STXBP5L: variants seen among roughly 807,000 people sequenced by gnomAD.
STXBP5L encodes the protein syntaxin binding protein 5L.
In STXBP5L, 65 loss-of-function variants were observed where a neutral mutation model predicts 144.5. The observed-to-expected ratio is 0.45, with a 90% CI of 0.37 to 0.55. The LOEUF is 0.55. Ranked by LOEUF, STXBP5L falls within the 20% of genes least tolerant of loss-of-function variation. The pLI is 0.00. For missense variants in STXBP5L, 1,298 were observed against 1,405.5 expected, an observed-to-expected ratio of 0.92 and a Z score of 1.22; for synonymous variants, 505 against 469.6, an observed-to-expected ratio of 1.08 and a Z score of -0.97.
intron 2 of STXBP5L, among the ~76,000 whole-genome samples, chr3:120,913,449 A>G (rs563880323): frequency 5.3e-5 from 8 of 152,180 alleles, no homozygotes; most frequent in African/African-American, 1.9e-4. Context: ...TACACTTTAA[A>G]TGAGTAAAGA....
intron 3 of STXBP5L, among the ~76,000 whole-genome samples, chr3:121,003,656 G>T (rs984037364): frequency 3.0e-4 from 45 of 152,112 alleles, no homozygotes; most frequent in African/African-American, 1.0e-3. Flanking sequence ...GTATTGCCTA[G>T]GTTTTCTTCT....
chr3:121,184,848 C>T (rs570304302), intron 9 of STXBP5L, among the ~76,000 whole-genome samples: 3 of 152,274 alleles, frequency 2.0e-5, no homozygotes, highest in Non-Finnish European at 4.4e-5. Context: ...GAAAGCCTAT[C>T]GGACTAACAG....
chr3:121,205,436 C>T (rs1351621684), intron 9 of STXBP5L, among the ~76,000 whole-genome samples: 2 of 152,182 alleles, frequency 1.3e-5, no homozygotes, highest in Non-Finnish European at 2.9e-5. Flanking sequence ...TCCATGAGGG[C>T]AAAGCCCCCA....
intron 7 of STXBP5L, among the ~76,000 whole-genome samples, chr3:121,133,529 C>T (rs537353153): frequency 3.5e-4 from 53 of 152,070 alleles, no homozygotes; most frequent in African/African-American, 1.0e-3. Context: ...GTATATTCAA[C>T]GAAACTGTCC....
chr3:121,379,023 T>A, intron 21 of STXBP5L, 137 bp downstream of exon 21: 1 of 919,198 alleles, frequency 1.1e-6, no homozygotes, highest in East Asian at 2.7e-5. Flanking sequence ...GAGAGCCTGA[T>A]GGGGCTGTGG....
intron 24 of STXBP5L, among the ~76,000 whole-genome samples, chr3:121,415,392 T>C (rs1244923747): frequency 1.3e-5 from 2 of 152,174 alleles, no homozygotes; most frequent in Non-Finnish European, 2.9e-5. Flanking sequence ...CTCGTTTAAA[T>C]TATCTTTAAT....
At chr3:121,369,633 A>T (rs547631071) in intron 20 of STXBP5L, among the ~76,000 whole-genome samples, 15 of 151,758 alleles carry the variant, frequency 9.9e-5, no homozygotes, top group Non-Finnish European at 1.9e-4. Flanking sequence ...GTCCTTACTC[A>T]CTGGCTTCAG....
intron 20 of STXBP5L, among the ~76,000 whole-genome samples, chr3:121,336,182 A>T (rs2044498679): frequency 6.6e-6 from 1 of 152,240 alleles, no homozygotes; most frequent in Admixed American, 6.5e-5. Context: ...ATCAGTGGTT[A>T]TTAGAGAAAT....
chr3:121,115,909 CACTT>C (rs769618334), intron 6 of STXBP5L, among the ~76,000 whole-genome samples: 2 of 152,078 alleles, frequency 1.3e-5, no homozygotes, highest in Non-Finnish European at 1.5e-5. Flanking sequence ...TGCAAGAACT[CACTT>C]ACTATGGCAA....
intron 7 of STXBP5L, among the ~76,000 whole-genome samples, chr3:121,139,634 A>G (rs754634270): frequency 6.6e-6 from 1 of 152,078 alleles, no homozygotes; most frequent in Non-Finnish European, 1.5e-5. Flanking sequence ...CTGAATCAAA[A>G]TGGTAATTCA....
At chr3:121,234,276 A>G (rs2049399334) in intron 12 of STXBP5L, among the ~76,000 whole-genome samples, 1 of 152,068 alleles carries the variant, frequency 6.6e-6, no homozygotes, top group Non-Finnish European at 1.5e-5. Context: ...TTCTTCGCCC[A>G]CTGATCTTTT....
At chr3:121,359,135 G>A (rs1056618169) in intron 20 of STXBP5L, among the ~76,000 whole-genome samples, 3 of 151,906 alleles carry the variant, frequency 2.0e-5, no homozygotes, top group Non-Finnish European at 4.4e-5. Context: ...CCTGTCTTTT[G>A]GATATAAGCC....
intron 20 of STXBP5L, among the ~76,000 whole-genome samples, chr3:121,349,010 T>C (rs576121671): frequency 6.6e-6 from 1 of 152,236 alleles, no homozygotes; most frequent in African/African-American, 2.4e-5. Flanking sequence ...CTTTTGAATG[T>C]GTTTGCTCTT....
In STXBP5L at chr3:121,033,593, AAAAT is replaced by A. The variant is rs142763903; in HGVS notation, c.288-8090_288-8087del. 3.1e-3 allele frequency among the ~76,000 whole-genome samples: 467 copies of A among 151,470 alleles called. 3 individuals carry two copies. Among genetic ancestry groups the A allele is most frequent in the African/African-American group, 8.5e-3 (354 of 41,420 alleles). On this transcript the variant is annotated intron_variant, in intron 3 of 26. Coordinates refer to ENST00000471454, the MANE Select transcript of STXBP5L (RefSeq NM_001308330.2). ...CAATTAAAAAAAAAAAAAACATTAA[AAAAT>A]AAATAAATAAATAAATTCGTGTGTT... is the stretch of plus-strand genomic sequence containing the variant.
At chr3:121,105,938 T>TA (rs2043682058) in intron 5 of STXBP5L, among the ~76,000 whole-genome samples, 1 of 152,144 alleles carries the variant, frequency 6.6e-6, no homozygotes, top group South Asian at 2.1e-4. Context: ...TATACCTAAG[T>TA]AAAATTTCTA....
intron 20 of STXBP5L, among the ~76,000 whole-genome samples, chr3:121,347,547 G>T (rs1208179236): frequency 7.2e-5 from 11 of 152,100 alleles, no homozygotes; most frequent in Non-Finnish European, 1.6e-4. Flanking sequence ...ATTACCTTGG[G>T]CAGTATGGCC....
chr3:121,409,667 T>C (rs73191762), intron 23 of STXBP5L, among the ~76,000 whole-genome samples: 14,307 of 152,026 alleles, frequency 0.094, 965 homozygotes, highest in African/African-American at 0.18. Context: ...TTTCATGATA[T>C]GTGAAAATTA....
intron 3 of STXBP5L, among the ~76,000 whole-genome samples, chr3:121,008,727 C>G (rs1021405522): frequency 5.9e-5 from 9 of 151,880 alleles, no homozygotes; most frequent in Non-Finnish European, 1.0e-4. Context: ...GTAATGTGTC[C>G]TTTATTTCAT....
At chr3:120,992,323 G>A (rs1188170339) in intron 3 of STXBP5L, among the ~76,000 whole-genome samples, 2 of 151,958 alleles carry the variant, frequency 1.3e-5, no homozygotes, top group Non-Finnish European at 2.9e-5. Context: ...CTGTCTCCTA[G>A]CTATTTTGAA....
Sources: gnomAD v4.1 joint callset for allele counts (sites outside exome capture counted in the v4.1 genomes callset) on GRCh38, gnomAD v4.1.1 for gene constraint, MANE v1.5 for transcripts, NCBI Gene and HGNC (gene_info 2026-07-23, HGNC 2026-07-21) for gene names.